COMMD10: variants seen among roughly 807,000 people sequenced by gnomAD.
COMMD10 encodes the protein COMM domain containing 10.
A neutral mutation model predicts 28.9 loss-of-function variants in COMMD10; 33 were observed. The ratio of observed to expected loss-of-function variants is 1.14; its 90% CI spans 0.87 to 1.53. The LOEUF is 1.53. Among genes scored for constraint, COMMD10 ranks in the 40% most tolerant of loss-of-function variants. The probability of loss-of-function intolerance (pLI) is 0.00; values close to 1 mark genes in which losing one functional copy is unlikely to be tolerated. For missense variants in COMMD10, 310 were observed against 233.4 expected, an observed-to-expected ratio of 1.33 and a Z score of -2.14; for synonymous variants, 110 against 81.7, an observed-to-expected ratio of 1.35 and a Z score of -1.87.
Position 116,286,496 on chromosome 5 carries a change from C to G in COMMD10, c.511-5021C>G, listed in dbSNP as rs1751221559. Among the ~76,000 whole-genome samples, 6 of 150,662 alleles carry G rather than the reference C, an allele frequency of 4.0e-5. No homozygotes were observed. The South Asian group carries it at 1.2e-3, about 31-fold the overall frequency. On this transcript the variant is annotated intron_variant, in intron 5 of 6. Coordinates refer to ENST00000274458, the MANE Select transcript of COMMD10 (RefSeq NM_016144.4). ...TATGTATTTTACATTATACACTTAACAGCTATAAACTTAACCCTTTAACAC... is the reference window on the plus strand; with the variant it reads ...TATGTATTTTACATTATACACTTAAGAGCTATAAACTTAACCCTTTAACAC...
rs766510815 is a variant in COMMD10 at position 116,092,583 on chromosome 5, G to T, written c.282G>T (p.Gln94His). 3 of 1,609,684 alleles carry T rather than the reference G, an allele frequency of 1.9e-6. No individual in the cohort carries two copies. Among genetic ancestry groups the T allele is most frequent in the South Asian group, 2.2e-5 (2 of 89,896 alleles). ...ATGTGAAGCCAGCAGCTTTGCAGCAGCAATTAGAGAACATTCATCTTAGAC... is the reference window on the plus strand; with the variant it reads ...ATGTGAAGCCAGCAGCTTTGCAGCATCAATTAGAGAACATTCATCTTAGAC... Reference protein sequence around the residue: ...YHNVKPAALQQQLENIHLRQD... With the variant: ...YHNVKPAALQHQLENIHLRQD... Residue 94 changes from glutamine (Q) to histidine (H), a missense_variant, in exon 4 of 7, where the codon CAG (glutamine) becomes CAT (histidine). By Grantham distance (24) the Gln-to-His change is conservative. Coordinates refer to ENST00000274458, the MANE Select transcript of COMMD10 (RefSeq NM_016144.4).
chr5:116,239,363 G>T lies in COMMD10; in HGVS notation c.511-52154G>T, dbSNP rs558014964. On this transcript the variant is annotated intron_variant, in intron 5 of 6. Transcript: ENST00000274458. ...ACTCACACATTTGTGAGAGTTATTA[G>T]AATTGCCATAATCAATGGATACTGA... Among the ~76,000 whole-genome samples, 10 of 152,266 alleles carry T rather than the reference G, an allele frequency of 6.6e-5. No homozygotes were observed. In the South Asian group the frequency reaches 1.7e-3, roughly 25 times the overall value.
intron 5 of COMMD10, among the ~76,000 whole-genome samples, chr5:116,205,062 C>T (rs566194643): frequency 1.3e-5 from 2 of 152,222 alleles, no homozygotes; most frequent in East Asian, 1.9e-4. Context: ...AAGCTCCAGC[C>T]GCTCTTTATT....
At chr5:116,233,548 A>G (rs768453108) in intron 5 of COMMD10, among the ~76,000 whole-genome samples, 25 of 152,160 alleles carry the variant, frequency 1.6e-4, no homozygotes, top group Non-Finnish European at 3.1e-4. Context: ...CTAATAAAAT[A>G]TTTACATAGA....
intron 4 of COMMD10, among the ~76,000 whole-genome samples, chr5:116,109,311 T>C (rs998220084): frequency 6.6e-6 from 1 of 152,236 alleles, no homozygotes; most frequent in African/African-American, 2.4e-5. Flanking sequence ...GGCTGAGCAC[T>C]ATGGGCTCAT....
chr5:116,228,800 T>A (rs74933856), intron 5 of COMMD10, among the ~76,000 whole-genome samples: 2,241 of 152,114 alleles, frequency 0.015, 55 homozygotes, highest in African/African-American at 0.05. Flanking sequence ...TTAGCCCTGA[T>A]TATAAACAAA....
At chr5:116,213,162 A>T (rs1749011403) in intron 5 of COMMD10, among the ~76,000 whole-genome samples, 1 of 152,098 alleles carries the variant, frequency 6.6e-6, no homozygotes, top group Non-Finnish European at 1.5e-5. Context: ...ATGAAAAAAC[A>T]GTCTTCCCTT....
At chr5:116,264,538 C>T (rs181126150) in intron 5 of COMMD10, among the ~76,000 whole-genome samples, 2 of 151,810 alleles carry the variant, frequency 1.3e-5, no homozygotes, top group Non-Finnish European at 2.9e-5. Context: ...ATGATGCGAG[C>T]GCATTAACTA....
chr5:116,201,761 G>C (rs1374127545), intron 5 of COMMD10, among the ~76,000 whole-genome samples: 1 of 152,018 alleles, frequency 6.6e-6, no homozygotes, highest in African/African-American at 2.4e-5. Flanking sequence ...AGTTGTCGTT[G>C]GGTTTCAAGT....
At chr5:116,235,225 G>T (rs1220726668) in intron 5 of COMMD10, among the ~76,000 whole-genome samples, 2 of 152,160 alleles carry the variant, frequency 1.3e-5, no homozygotes, top group Admixed American at 1.3e-4. Context: ...GTCAAAAACA[G>T]AGAACAGATT....
chr5:116,206,602 A>C (rs1237425729), intron 5 of COMMD10, among the ~76,000 whole-genome samples: 2 of 152,194 alleles, frequency 1.3e-5, no homozygotes, highest in African/African-American at 4.8e-5. Context: ...CAGAGAGCCA[A>C]GATAGTGCCA....
intron 5 of COMMD10, among the ~76,000 whole-genome samples, chr5:116,149,911 T>A (rs1450303795): frequency 2.6e-5 from 4 of 152,006 alleles, no homozygotes; most frequent in African/African-American, 7.2e-5. Context: ...TTTTGGTGTT[T>A]TAGACATGAA....
At chr5:116,195,441 G>A (rs1490471829) in intron 5 of COMMD10, among the ~76,000 whole-genome samples, 4 of 152,048 alleles carry the variant, frequency 2.6e-5, no homozygotes, top group African/African-American at 9.7e-5. Flanking sequence ...CCTAGAACTG[G>A]TAAAAGAATT....
rs560595712 is a variant in COMMD10, at chr5:116,086,838, G to A, written c.42-659G>A. On this transcript the variant is annotated intron_variant, in intron 1 of 6. Coordinates refer to ENST00000274458, the MANE Select transcript of COMMD10 (RefSeq NM_016144.4). ...ACAAAAAATACAAAAATTAGCCAGC[G>A]CTGTGGCCCGCGCATGTAGTTCTAG... 6.6e-5 allele frequency among the ~76,000 whole-genome samples: 10 copies of A among 152,230 alleles called. No individual in the cohort carries two copies. In the East Asian group the frequency reaches 1.7e-3, roughly 27 times the overall value.
intron 5 of COMMD10, among the ~76,000 whole-genome samples, chr5:116,169,856 T>C (rs1214504856): frequency 6.6e-6 from 1 of 152,112 alleles, no homozygotes. Flanking sequence ...ATAAGAGCTA[T>C]TTATGACATA....
chr5:116,264,874 T>G (rs1750545345), intron 5 of COMMD10, among the ~76,000 whole-genome samples: 3 of 151,888 alleles, frequency 2.0e-5, no homozygotes, highest in Non-Finnish European at 4.4e-5. Context: ...GTAAATGACA[T>G]GCAGTCATAT....
intron 5 of COMMD10, among the ~76,000 whole-genome samples, chr5:116,175,036 T>C (rs1305212782): frequency 6.6e-6 from 1 of 152,138 alleles, no homozygotes; most frequent in African/African-American, 2.4e-5. Flanking sequence ...CAGAGCTCTT[T>C]GTGATCTTTC....
At chr5:116,170,115 A>G (rs1753271971) in intron 5 of COMMD10, among the ~76,000 whole-genome samples, 1 of 152,188 alleles carries the variant, frequency 6.6e-6, no homozygotes, top group Non-Finnish European at 1.5e-5. Context: ...AAATCTCCTT[A>G]AGCTGATAAG....
At chr5:116,183,532 C>A (rs1748042713) in intron 5 of COMMD10, among the ~76,000 whole-genome samples, 1 of 151,904 alleles carries the variant, frequency 6.6e-6, no homozygotes, top group South Asian at 2.1e-4. Flanking sequence ...TTATAGGCCT[C>A]CTTGAAATTA....
Sources: gnomAD v4.1 joint callset for allele counts (sites outside exome capture counted in the v4.1 genomes callset) on GRCh38, gnomAD v4.1.1 for gene constraint, MANE v1.5 for transcripts, NCBI Gene and HGNC (gene_info 2026-07-23, HGNC 2026-07-21) for gene names.